Variants in SRP54 observed in about 807,000 individuals in gnomAD.
SRP54 encodes the protein signal recognition particle subunit SRP54.
In SRP54, 10 loss-of-function variants were observed where a neutral mutation model predicts 64.8. The observed-to-expected ratio is 0.15, with a 90% confidence interval of 0.10 to 0.26. The LOEUF is 0.26. Among genes scored for constraint, SRP54 ranks in the 10% least tolerant of loss-of-function variants. The pLI is 1.00. For missense variants in SRP54, 325 were observed against 613.7 expected, an observed-to-expected ratio of 0.53 and a Z score of 4.97; for synonymous variants, 193 against 185.6, an observed-to-expected ratio of 1.04 and a Z score of -0.32.
intron 4 of SRP54, among the ~76,000 whole-genome samples, chr14:35,002,148 G>A (rs61989479): frequency 0.2 from 30,717 of 151,944 alleles, 3,696 homozygotes; most frequent in Non-Finnish European, 0.28. Flanking sequence ...GAGGTCAGGC[G>A]TTCGAGACCA....
At chr14:35,000,109 G>GT (rs1379040615) in intron 3 of SRP54, among the ~76,000 whole-genome samples, 2 of 152,118 alleles carry the variant, frequency 1.3e-5, no homozygotes, top group African/African-American at 2.4e-5. Context: ...TTTGGTCTCA[G>GT]TTATCATATT....
At chr14:35,026,379 T>A (rs1162709184) in intron 14 of SRP54, among the ~76,000 whole-genome samples, 1 of 151,982 alleles carries the variant, frequency 6.6e-6, no homozygotes, top group Admixed American at 6.6e-5. Flanking sequence ...AGACGCATGC[T>A]ATCACACTGA....
intron 14 of SRP54, among the ~76,000 whole-genome samples, chr14:35,023,741 A>ACG (rs2044572996): frequency 1.3e-5 from 2 of 150,436 alleles, no homozygotes; most frequent in Admixed American, 1.3e-4. Flanking sequence ...CCGAGATTGT[A>ACG]CCACTGTACT....
intron 13 of SRP54, among the ~76,000 whole-genome samples, chr14:35,019,839 C>A (rs1394033216): frequency 6.6e-6 from 1 of 152,100 alleles, no homozygotes; most frequent in Non-Finnish European, 1.5e-5. Context: ...ATTAAGTGTG[C>A]AAGAGCATTA....
intron 8 of SRP54, 98 bp downstream of exon 8, chr14:35,011,757 G>C (rs985725721): frequency 9.3e-7 from 1 of 1,075,782 alleles, no homozygotes; most frequent in Non-Finnish European, 1.3e-6. Context: ...TTCTTTGCCT[G>C]TGAGGCAGAT....
intron 7 of SRP54, among the ~76,000 whole-genome samples, chr14:35,010,713 C>G (rs981883783): frequency 6.6e-6 from 1 of 151,586 alleles, no homozygotes; most frequent in Non-Finnish European, 1.5e-5. Flanking sequence ...GGCAGTGAGC[C>G]GAGATCGCAC....
At chr14:34,983,312 C>G (rs1950041982) in intron 1 of SRP54, 97 bp downstream of exon 1, 1 of 152,372 alleles carries the variant, frequency 6.6e-6, no homozygotes, top group African/African-American at 2.4e-5. Flanking sequence ...GGAAGTCGGC[C>G]TCCGTGGCCA....
In SRP54 at chr14:35,000,843, G is replaced by A. The variant is rs8017225; in HGVS notation, c.171-93G>A. The stretch of plus-strand genomic sequence containing the variant: ...AGACTATTAATATGAATGACTGAAT[G>A]TTGTACATTCTTTGGAGCAGAAGCT... On this transcript the variant is annotated intron_variant, in intron 3 of 15. Coordinates refer to ENST00000216774, the MANE Select transcript of SRP54 (RefSeq NM_003136.4). The A allele has an allele frequency of 0.22, 125,946 of 561,482 alleles. 15,199 individuals carry two copies. Among genetic ancestry groups the A allele is most frequent in the East Asian group, 0.39 (12,196 of 31,494 alleles). The allele number at this position is 561,482 out of a possible 1,614,324, so 34.8% of individuals were successfully genotyped here. A position where few individuals can be genotyped will look rare whatever the true frequency, so the allele number is the denominator to read the frequency against.
intron 4 of SRP54, among the ~76,000 whole-genome samples, chr14:35,004,271 G>A (rs568719787): frequency 6.6e-6 from 1 of 152,000 alleles, no homozygotes; most frequent in Non-Finnish European, 1.5e-5. Flanking sequence ...AAAAGGACTT[G>A]TATCTATCAT....
chr14:35,027,960 TAG>T, intron 14 of SRP54, 126 bp from the exon 15 acceptor site: 2 of 489,760 alleles, frequency 4.1e-6, no homozygotes, highest in Non-Finnish European at 7.2e-6. Flanking sequence ...AGAATTATGT[TAG>T]AGTGATAGGA....
intron 15 of SRP54, 128 bp from the exon 16 acceptor site, chr14:35,028,933 G>T: frequency 1.4e-6 from 1 of 690,060 alleles, no homozygotes; most frequent in Non-Finnish European, 2.4e-6. Flanking sequence ...CGTTCTTTAA[G>T]GCTGATGACT....
Position 35,000,929 on chromosome 14 carries a change from C to A in SRP54, c.171-7C>A. 6.5e-7 allele frequency: 1 copy of A among 1,549,662 alleles called. No homozygotes were observed. Among genetic ancestry groups the A allele is most frequent in the Non-Finnish European group, 8.7e-7 (1 of 1,148,096 alleles). On this transcript the variant is annotated splice_polypyrimidine_tract_variant and splice_region_variant and intron_variant, in intron 3 of 15. Transcript: ENST00000216774. ...CCCCACCCCAATCACCAACCACCAT[C>A]ATAAAGGTCTGCTATTGATCTTGAA...
At chr14:35,006,851 A>T (rs1173186190) in intron 4 of SRP54, among the ~76,000 whole-genome samples, 1 of 152,224 alleles carries the variant, frequency 6.6e-6, no homozygotes, top group African/African-American at 2.4e-5. Context: ...TAATTGTATT[A>T]TAATAGCTTA....
chr14:35,001,215 G>C (rs1281475193), intron 4 of SRP54, among the ~76,000 whole-genome samples, 195 bp downstream of exon 4: 1 of 113,552 alleles, frequency 8.8e-6, no homozygotes, highest in Non-Finnish European at 1.8e-5. Context: ...CACTCTTGTT[G>C]CCCAGGCTGG....
chr14:35,010,672 C>G (rs974066047), intron 7 of SRP54, among the ~76,000 whole-genome samples: 3 of 151,232 alleles, frequency 2.0e-5, no homozygotes, highest in Admixed American at 6.6e-5. Context: ...GGCTGAGGCA[C>G]GAGAATCCCT....
intron 10 of SRP54, among the ~76,000 whole-genome samples, chr14:35,014,290 T>TTTTTTTTTTTTTTTTTTGTTTTTTTG (rs376712278): frequency 7.9e-6 from 1 of 127,282 alleles, no homozygotes; most frequent in African/African-American, 2.9e-5. Context: ...TTTTTTTTTT[T>TTTTTTTTTTTTTTTTTTGTTTTTTTG]TTTTGAGACG....
chr14:34,996,733 A>T lies in SRP54; in HGVS notation c.24A>T (p.Arg8Ser), dbSNP rs774740121. Residue 8 changes from arginine to serine, a missense_variant, in exon 2 of 16, where the codon AGA (arginine) becomes AGT (serine). Arg to Ser is a moderately radical substitution (Grantham distance 110, BLOSUM62 -1). Around this residue, in one of 3 missense-constraint regions of SRP54, gnomAD observed 156 missense variants for 254.6 expected, o/e 0.61. Transcript: ENST00000216774. Reference protein sequence around the residue: MVLADLGRKITSALRSLS... With the variant: MVLADLGSKITSALRSLS... ...AGATGGTTCTAGCAGACCTTGGAAG[A>T]AAAATAACATCAGCATTACGCTCGT... is the stretch of plus-strand genomic sequence containing the variant. The T allele has an allele frequency of 1.2e-6, 2 of 1,613,554 alleles. No homozygotes were observed. Among genetic ancestry groups the T allele is most frequent in the Admixed American group, 3.3e-5 (2 of 60,022 alleles).
In SRP54 at chr14:34,987,275, G is replaced by GTGTGTGTA. The variant is rs1555352664; in HGVS notation, c.-34+4061_-34+4062insGTGTGTAT. Among the ~76,000 whole-genome samples, 6 of 131,510 alleles carry GTGTGTGTA rather than the reference G, an allele frequency of 4.6e-5. No homozygotes were observed. The South Asian group carries it at 7.2e-4, about 16-fold the overall frequency. The allele number at this position is 131,510 out of a possible 152,430, so 86.3% of individuals were successfully genotyped here. A position where few individuals can be genotyped will look rare whatever the true frequency, so the allele number is the denominator to read the frequency against. On this transcript the variant is annotated intron_variant, in intron 1 of 15. Coordinates refer to ENST00000216774, the MANE Select transcript of SRP54 (RefSeq NM_003136.4). ...TATATATATATGTGTGTGTGTGTGT[G>GTGTGTGTA]TATATATATATACACACACACACAC...
intron 2 of SRP54, among the ~76,000 whole-genome samples, chr14:34,998,999 GTGTGTGTGTGTGTGGTTT>G (rs2044123601): frequency 1.0e-5 from 1 of 96,944 alleles, no homozygotes; most frequent in South Asian, 3.7e-4. Context: ...GTGTGTGTGT[GTGTGTGTGTGTGTGGTTT>G]TTTTTTTTTT....
Sources: allele counts gnomAD v4.1 joint callset (sites outside exome capture counted in the v4.1 genomes callset), GRCh38; gene constraint gnomAD v4.1.1; regional missense constraint gnomAD v4.1.1; transcripts MANE v1.5; gene names NCBI Gene and HGNC (gene_info 2026-07-23, HGNC 2026-07-21).